Variants in LIFR observed in about 807,000 individuals in gnomAD.
LIFR encodes LIF receptor subunit alpha.
Under a neutral mutation model 122.2 loss-of-function variants are expected in LIFR, and 84 were observed. The ratio of observed to expected loss-of-function variants is 0.69; its 90% CI spans 0.58 to 0.82. The LOEUF (loss-of-function observed/expected upper bound fraction) is 0.82, where lower values mean the gene tolerates loss of function less well. Among genes scored for constraint, LIFR ranks in the 40% least tolerant of loss-of-function variants. The pLI is 0.00. For synonymous variants in LIFR, 422 were observed against 434.7 expected, an observed-to-expected ratio of 0.97 and a Z score of 0.36; for missense variants, 1,294 against 1,311.6, an observed-to-expected ratio of 0.99 and a Z score of 0.21.
chr5:38,564,735 T>TACAC (rs3047301), intron 1 of LIFR, among the ~76,000 whole-genome samples: 16,997 of 137,284 alleles, frequency 0.12, 1,055 homozygotes, highest in Non-Finnish European at 0.14. Flanking sequence ...ACACACACAC[T>TACAC]ACACACACAC....
At chr5:38,491,455 A>G (rs1403150861) in intron 14 of LIFR, among the ~76,000 whole-genome samples, 1 of 152,220 alleles carries the variant, frequency 6.6e-6, no homozygotes, top group African/African-American at 2.4e-5. Flanking sequence ...AACAGCTACA[A>G]TAAGGGCCAT....
In LIFR at chr5:38,479,099, G is replaced by A. The variant is rs181049933; in HGVS notation, c.*2496C>T. 288 of 231,342 alleles carry A rather than the reference G, an allele frequency of 1.2e-3. 1 individual carries two copies. Among genetic ancestry groups the A allele is most frequent in the African/African-American group, 5.8e-3 (261 of 45,254 alleles). 14.3% of individuals were successfully genotyped at this position (231,342 alleles called of 1,614,324 possible). On this transcript the variant is annotated 3_prime_UTR_variant, in exon 20 of 20. Transcript: ENST00000453190. ...CTTCCAACTTCCCTCCCCTCTTCCC[G>A]TGTTGTTACTCTCCCTACACACACA...
intron 1 of LIFR, among the ~76,000 whole-genome samples, chr5:38,585,609 A>G (rs932401189): frequency 3.9e-5 from 6 of 152,172 alleles, no homozygotes; most frequent in Non-Finnish European, 8.8e-5. Context: ...ACTTGGCAAA[A>G]CAGGATGTGT....
intron 1 of LIFR, among the ~76,000 whole-genome samples, chr5:38,552,783 AG>A (rs1194038434): frequency 6.6e-6 from 1 of 152,274 alleles, no homozygotes; most frequent in African/African-American, 2.4e-5. Context: ...CAAAGGCCAG[AG>A]CCAAGCTGGA....
At chr5:38,482,908 T>A (rs760425343) in intron 18 of LIFR, among the ~76,000 whole-genome samples, 2 of 152,166 alleles carry the variant, frequency 1.3e-5, no homozygotes, top group Non-Finnish European at 2.9e-5. Flanking sequence ...ATGTATCTCA[T>A]GAAAATGGAA....
chr5:38,521,722 G>A (rs1039112426), intron 5 of LIFR, among the ~76,000 whole-genome samples: 11 of 152,172 alleles, frequency 7.2e-5, no homozygotes, highest in African/African-American at 2.7e-4. Context: ...TCTGGGTCTT[G>A]AGCAGTGCAC....
intron 4 of LIFR, among the ~76,000 whole-genome samples, chr5:38,525,427 G>A (rs1460052977): frequency 2.6e-5 from 4 of 152,184 alleles, no homozygotes; most frequent in Admixed American, 2.6e-4. Context: ...GGCTAGGGTA[G>A]CTGAATATGC....
chr5:38,517,477 A>G (rs1459177447), intron 5 of LIFR, among the ~76,000 whole-genome samples: 1 of 152,168 alleles, frequency 6.6e-6, no homozygotes, highest in Non-Finnish European at 1.5e-5. Flanking sequence ...CACCTGCAGA[A>G]CTGTATCAAA....
chr5:38,603,932 A>G (rs1160171399), intron 2 of LIFR, among the ~76,000 whole-genome samples: 2 of 152,160 alleles, frequency 1.3e-5, no homozygotes, highest in Non-Finnish European at 2.9e-5. Context: ...ATTGTTGCTT[A>G]TATTTTTCTG....
At position 38,475,722 on chromosome 5, in the gene LIFR, A is replaced by C. The variant is rs1396186807; in HGVS notation, c.*5873T>G. On this transcript the variant is annotated 3_prime_UTR_variant, in exon 20 of 20. Transcript: ENST00000453190. The stretch of plus-strand genomic sequence containing the variant: ...ACTATAATGCAATTTTGAAAGTAAA[A>C]AAAGGTAATTTCCTAGTGTTATAAG... The C allele has an allele frequency of 5.3e-6, 1 of 188,678 alleles. No individual in the cohort carries two copies. Among genetic ancestry groups the C allele is most frequent in the East Asian group, 8.6e-5 (1 of 11,606 alleles). 11.7% of individuals were successfully genotyped at this position (188,678 alleles called of 1,614,324 possible).
At chr5:38,582,127 C>T (rs1749607858) in intron 1 of LIFR, among the ~76,000 whole-genome samples, 1 of 149,940 alleles carries the variant, frequency 6.7e-6, no homozygotes, top group Non-Finnish European at 1.5e-5. Context: ...GTCTCATGAT[C>T]ATAGATCACT....
intron 15 of LIFR, among the ~76,000 whole-genome samples, 196 bp downstream of exon 15, chr5:38,489,994 C>CAAAAA (rs58235156): frequency 1.4e-4 from 7 of 49,682 alleles, no homozygotes; most frequent in East Asian, 6.1e-4. Context: ...GACCCTCTCT[C>CAAAAA]AAAAAAAAAA....
intron 1 of LIFR, among the ~76,000 whole-genome samples, chr5:38,553,247 A>G (rs1050097150): frequency 6.6e-6 from 1 of 150,804 alleles, no homozygotes; most frequent in Non-Finnish European, 1.5e-5. Flanking sequence ...CCCTCATTCA[A>G]CTCTCAGCTC....
At chr5:38,511,705 G>T in intron 6 of LIFR, 85 bp downstream of exon 6, 1 of 1,303,704 alleles carries the variant, frequency 7.7e-7, no homozygotes, top group Non-Finnish European at 1.1e-6. Context: ...GAGGTTATGA[G>T]AAGTGAAAGC....
Position 38,474,948 on chromosome 5 carries a change from C to G in LIFR, c.*6647G>C, listed in dbSNP as rs1319552595. 6.2e-6 allele frequency: 1 copy of G among 160,072 alleles called. No homozygotes were observed. Among genetic ancestry groups the G allele is most frequent in the East Asian group, 1.5e-4 (1 of 6,754 alleles). 9.9% of individuals were successfully genotyped at this position (160,072 alleles called of 1,614,324 possible). A position where few individuals can be genotyped will look rare whatever the true frequency, so the allele number is the denominator to read the frequency against. ...AACATGGGGAAAAACCCAATAATGC[C>G]CAAGTCTGTCAGTGTAAGATGTAAG... On this transcript the variant is annotated 3_prime_UTR_variant, in exon 20 of 20. Coordinates refer to ENST00000453190, the MANE Select transcript of LIFR (RefSeq NM_001127671.2).
rs144008761 is a variant in LIFR, at chr5:38,544,539, A to G, written c.-20+11795T>C. 7.2e-3 allele frequency among the ~76,000 whole-genome samples: 1,088 copies of G among 152,104 alleles called. 18 individuals carry two copies. Among genetic ancestry groups the G allele is most frequent in the Admixed American group, 0.034 (515 of 15,278 alleles). On this transcript the variant is annotated intron_variant, in intron 1 of 19. Coordinates refer to ENST00000453190, the MANE Select transcript of LIFR (RefSeq NM_001127671.2). ...CACTTCCTCAGGAAGGCCTCTACTC[A>G]TCACCTAGAAAGGGGGACAATTCCC...
At chr5:38,537,352 T>C (rs1214063644) in intron 1 of LIFR, among the ~76,000 whole-genome samples, 1 of 152,212 alleles carries the variant, frequency 6.6e-6, no homozygotes, top group African/African-American at 2.4e-5. Flanking sequence ...ATGTCTCCTA[T>C]ATTTCCCATT....
chr5:38,502,578 A>C, intron 11 of LIFR, 59 bp downstream of exon 11: 1 of 1,420,680 alleles, frequency 7.0e-7, no homozygotes, highest in Non-Finnish European at 9.9e-7. Flanking sequence ...TTTTTAAAGA[A>C]GTTGTAAAAC....
chr5:38,602,981 G>A (rs1483783249), intron 2 of LIFR, among the ~76,000 whole-genome samples: 1 of 152,174 alleles, frequency 6.6e-6, no homozygotes, highest in Non-Finnish European at 1.5e-5. Context: ...AGCCTCAGAC[G>A]TGCATGCTTA....
Sources: allele counts gnomAD v4.1 joint callset (sites outside exome capture counted in the v4.1 genomes callset), GRCh38; gene constraint gnomAD v4.1.1; transcripts MANE v1.5; gene names NCBI Gene and HGNC (gene_info 2026-07-23, HGNC 2026-07-21).